Variants in ZSWIM4 observed in about 807,000 individuals in gnomAD.
ZSWIM4 encodes zinc finger SWIM-type containing 4, also known as zinc finger SWIM domain-containing protein 4.
In ZSWIM4, 62 loss-of-function variants were observed where a neutral mutation model predicts 102.5. The ratio of observed to expected loss-of-function variants is 0.60; its 90% confidence interval spans 0.49 to 0.75. The LOEUF is 0.75. ZSWIM4 is among the 30% of genes least tolerant of loss of function. ZSWIM4 has a pLI of 0.00. For missense variants in ZSWIM4, 1,280 were observed against 1,529.6 expected (o/e 0.84, Z 2.72); for synonymous variants, 652 against 674.5 (o/e 0.97, Z 0.52).
In ZSWIM4 at chr19:13,795,810, G is replaced by C. The variant is rs749339566; in HGVS notation, c.153+9G>C. ...GCTGGGCCTTCGAGCAGGTGACCGC[G>C]GGGGAAGGGGGCGGGGGCAGGGACG... On this transcript the variant is annotated intron_variant, in intron 1 of 13. Transcript: ENST00000590508. 1 of 1,245,032 alleles carries C rather than the reference G, an allele frequency of 8.0e-7. No homozygotes were observed. Among genetic ancestry groups the C allele is most frequent in the South Asian group, 3.8e-5 (1 of 26,664 alleles). 77.1% of individuals were successfully genotyped at this position (1,245,032 alleles called of 1,614,324 possible).
intron 12 of ZSWIM4, among the ~76,000 whole-genome samples, chr19:13,827,935 G>A (rs1369441867): frequency 6.6e-6 from 1 of 152,182 alleles, no homozygotes; most frequent in African/African-American, 2.4e-5. Flanking sequence ...GGAGCGAAGG[G>A]ACAGGTTGGT....
intron 5 of ZSWIM4, among the ~76,000 whole-genome samples, chr19:13,812,448 G>A (rs1487868396): frequency 6.9e-6 from 1 of 145,302 alleles, no homozygotes; most frequent in Non-Finnish European, 1.5e-5. Flanking sequence ...GGCCCGGGAT[G>A]TAATCCCAAC....
Position 13,828,343 on chromosome 19 carries a change from G to T in ZSWIM4, c.2380-302G>T, listed in dbSNP as rs147999736. On this transcript the variant is annotated intron_variant, in intron 12 of 13. Transcript: ENST00000590508. Reference sequence around the variant, plus strand: ...AGAATGCTTGAACTCGGGAGGCGGAGGTTGTAGTGAGCCAAGATCGCACCA... The same window carrying T: ...AGAATGCTTGAACTCGGGAGGCGGATGTTGTAGTGAGCCAAGATCGCACCA... 2.9e-3 allele frequency among the ~76,000 whole-genome samples: 447 copies of T among 152,138 alleles called. 3 individuals carry two copies. The highest frequency in any genetic ancestry group is 0.01 in the African/African-American group (423 of 41,480).
Position 13,817,274 on chromosome 19 carries a change from C to T in ZSWIM4, c.1590C>T (p.Pro530=), listed in dbSNP as rs2145336859. ...ACACCGAAGGATGGGTGGGGCACCC[C>T]CTGGACCCCATTGGCTGCCTCTGCA... ...ITNTEGWVGH[P]LDPIGCLCRA... is the part of the protein sequence containing the mutation. Residue 530 remains proline, a synonymous_variant, in exon 8 of 14, where the codon CCC becomes CCT. Coordinates refer to ENST00000590508, the MANE Select transcript of ZSWIM4 (RefSeq NM_001367834.3). 1.2e-6 allele frequency: 2 copies of T among 1,614,070 alleles called. No individual in the cohort carries two copies. Among genetic ancestry groups the T allele is most frequent in the Admixed American group, 1.7e-5 (1 of 60,014 alleles).
intron 12 of ZSWIM4, among the ~76,000 whole-genome samples, chr19:13,826,051 T>C (rs1975602481): frequency 6.6e-6 from 1 of 151,878 alleles, no homozygotes; most frequent in Non-Finnish European, 1.5e-5. Context: ...GGGGCCTGAG[T>C]GTGAACCTCA....
chr19:13,829,716 TCAGGAGGCTGAGG>T (rs1975704908), intron 13 of ZSWIM4, among the ~76,000 whole-genome samples: 1 of 151,794 alleles, frequency 6.6e-6, no homozygotes, highest in Non-Finnish European at 1.5e-5. Flanking sequence ...TCCCAGCTAC[TCAGGAGGCTGAGG>T]CAGGAGAATG....
intron 13 of ZSWIM4, among the ~76,000 whole-genome samples, chr19:13,829,586 A>T (rs1265783131): frequency 6.6e-6 from 1 of 152,102 alleles, no homozygotes; most frequent in African/African-American, 2.4e-5. Context: ...GCAAGACTCC[A>T]TCTCAAAATG....
rs373693881 is a variant in ZSWIM4, at chr19:13,830,725, T to G, written c.2996T>G (p.Ile999Ser). The G allele has an allele frequency of 6.2e-7, 1 of 1,608,480 alleles. No homozygotes were observed. Among genetic ancestry groups the G allele is most frequent in the Non-Finnish European group, 8.5e-7 (1 of 1,178,408 alleles). Residue 999 changes from isoleucine (I) to serine (S), a missense_variant, in exon 14 of 14, where the codon ATT becomes AGT. Physicochemically the swap from Ile to Ser is moderately radical, Grantham distance 142. Coordinates refer to ENST00000590508, the MANE Select transcript of ZSWIM4 (RefSeq NM_001367834.3). ...SIHCAPMLSDILRRWTLSAPG... is the reference protein window; with the variant it reads ...SIHCAPMLSDSLRRWTLSAPG... ...CACTGTGCCCCAATGCTGTCCGATA[T>G]TCTGCGCCGCTGGACTCTCTCGGCG...
At chr19:13,802,675 C>T (rs1974806714) in intron 2 of ZSWIM4, among the ~76,000 whole-genome samples, 1 of 151,874 alleles carries the variant, frequency 6.6e-6, no homozygotes, top group Non-Finnish European at 1.5e-5. Flanking sequence ...AACATCTGAG[C>T]TCAAGTGATC....
At chr19:13,806,245 G>A (rs1974917095) in intron 3 of ZSWIM4, among the ~76,000 whole-genome samples, 2 of 151,596 alleles carry the variant, frequency 1.3e-5, no homozygotes, top group Non-Finnish European at 1.5e-5. Context: ...GTTTCCCCAT[G>A]TTGGCCAGGC....
At chr19:13,813,952 A>G (rs948340888) in intron 6 of ZSWIM4, among the ~76,000 whole-genome samples, 2 of 151,588 alleles carry the variant, frequency 1.3e-5, no homozygotes, top group Non-Finnish European at 2.9e-5. Flanking sequence ...AAGAAAGAAA[A>G]GAAAAATAGC....
At chr19:13,818,150 C>A (rs1244295157) in intron 9 of ZSWIM4, among the ~76,000 whole-genome samples, 174 bp downstream of exon 9, 1 of 152,004 alleles carries the variant, frequency 6.6e-6, no homozygotes, top group African/African-American at 2.4e-5. Context: ...AGAGAGCCAG[C>A]TCTTTTTCCC....
At position 13,808,899 on chromosome 19, in the gene ZSWIM4, A is replaced by G. The variant is rs1160989919; in HGVS notation, c.776A>G (p.Glu259Gly). Residue 259 changes from glutamate to glycine, a missense_variant, in exon 4 of 14, where the codon GAG becomes GGG. By Grantham distance (98) the Glu-to-Gly change is moderately conservative. Coordinates refer to ENST00000590508, the MANE Select transcript of ZSWIM4 (RefSeq NM_001367834.3). ...EDANCWHLDEEQIQEQVKQLL... is the reference protein window; with the variant it reads ...EDANCWHLDEGQIQEQVKQLL... ...GCCAACTGCTGGCACCTGGACGAGGAGCAGATCCAGGAGCAGGTGAAGCAG... is the reference window on the plus strand; with the variant it reads ...GCCAACTGCTGGCACCTGGACGAGGGGCAGATCCAGGAGCAGGTGAAGCAG... 1 of 1,612,378 alleles carries G rather than the reference A, an allele frequency of 6.2e-7. No homozygotes were observed. Among genetic ancestry groups the G allele is most frequent in the South Asian group, 1.1e-5 (1 of 90,808 alleles).
rs1975219200 is a variant in ZSWIM4 at position 13,814,747 on chromosome 19, G to A, written c.1413G>A (p.Val471=). ...CTTTCCCCACTGCCTGTGCCCGTGT[G>A]GACACCCTGCGTGCCCACGGATACC... ...GEPFPTACAR[V]DTLRAHGYPR... is the part of the protein sequence containing the mutation. The change falls in exon 7 of 14, where the codon GTG becomes GTA. Residue 471 remains valine, a synonymous_variant. Coordinates refer to ENST00000590508, the MANE Select transcript of ZSWIM4 (RefSeq NM_001367834.3). The A allele has an allele frequency of 3.1e-6, 4 of 1,288,816 alleles. No homozygotes were observed. Among genetic ancestry groups the A allele is most frequent in the Non-Finnish European group, 3.0e-6 (3 of 988,126 alleles). 79.8% of individuals were successfully genotyped at this position (1,288,816 alleles called of 1,614,324 possible).
chr19:13,801,646 G>A (rs1238037263), intron 2 of ZSWIM4, among the ~76,000 whole-genome samples: 3 of 151,892 alleles, frequency 2.0e-5, no homozygotes, highest in African/African-American at 7.3e-5. Flanking sequence ...GCTGAGGTGG[G>A]AATGTAGAGT....
rs1055794360 is a variant in ZSWIM4 at position 13,795,638 on chromosome 19, G to A, written c.-11G>A. 16 of 558,194 alleles carry A rather than the reference G, an allele frequency of 2.9e-5. No homozygotes were observed. Among genetic ancestry groups the A allele is most frequent in the Non-Finnish European group, 3.2e-5 (13 of 400,306 alleles). The allele number at this position is 558,194 out of a possible 1,614,324, so 34.6% of individuals were successfully genotyped here. A position where few individuals can be genotyped will look rare whatever the true frequency, so the allele number is the denominator to read the frequency against. On this transcript the variant is annotated 5_prime_UTR_variant, in exon 1 of 14. Transcript: ENST00000590508. ...GAGGCCCCGCCCCGGCCCTGGCCCCGGCCGGGCCGGATGGAACCCCCCGCG... is the reference window on the plus strand; with the variant it reads ...GAGGCCCCGCCCCGGCCCTGGCCCCAGCCGGGCCGGATGGAACCCCCCGCG...
chr19:13,827,203 CTTGAGGCCAGGAGT>C (rs1975633170), intron 12 of ZSWIM4, among the ~76,000 whole-genome samples: 2 of 152,126 alleles, frequency 1.3e-5, no homozygotes, highest in South Asian at 4.1e-4. Context: ...GAGAGGATCG[CTTGAGGCCAGGAGT>C]TTGAGGCTGC....
rs1975021366 is a variant in ZSWIM4 at position 13,809,689 on chromosome 19, A to C, written c.1012+469A>C. On this transcript the variant is annotated intron_variant, in intron 5 of 13. Coordinates refer to ENST00000590508, the MANE Select transcript of ZSWIM4 (RefSeq NM_001367834.3). This position sits in a 1 kb window ranked among gnomAD's most constrained non-coding sequence, Gnocchi z 4.2. ...AGAGACAGAGTCTCACTATCTTGCC[A>C]AGTCTGGTCTTGAACTCCTGGACTC... Among the ~76,000 whole-genome samples the C allele has an allele frequency of 6.6e-6, 1 of 152,060 alleles. No individual in the cohort carries two copies. The highest frequency in any genetic ancestry group is 2.4e-5 in the African/African-American group (1 of 41,402).
chr19:13,819,115 C>T (rs1406870068), intron 9 of ZSWIM4, among the ~76,000 whole-genome samples: 2 of 152,160 alleles, frequency 1.3e-5, no homozygotes, highest in Non-Finnish European at 2.9e-5. Flanking sequence ...CCGCCAGCCT[C>T]GGCCTCCCAA....
Sources: gnomAD v4.1 joint callset for allele counts (sites outside exome capture counted in the v4.1 genomes callset) on GRCh38, gnomAD v4.1.1 for gene constraint, Gnocchi (gnomAD v3.1) non-coding constraint, MANE v1.5 for transcripts, NCBI Gene and HGNC (gene_info 2026-07-23, HGNC 2026-07-21) for gene names.